STK32B: variants seen among roughly 807,000 people sequenced by gnomAD.
The protein encoded by STK32B is serine/threonine kinase 32B.
A neutral mutation model predicts 52.6 loss-of-function variants in STK32B; 43 were observed. The ratio of observed to expected loss-of-function variants is 0.82; its 90% CI spans 0.64 to 1.05. The LOEUF is 1.05. STK32B is among the 50% of genes least tolerant of loss of function. The pLI is 0.00. For missense variants in STK32B, 621 were observed against 534.6 expected (o/e 1.16, Z -1.59); for synonymous variants, 238 against 204.3 (o/e 1.17, Z -1.41).
At chr4:5,189,922 C>T (rs1006502370) in intron 3 of STK32B, among the ~76,000 whole-genome samples, 7 of 152,134 alleles carry the variant, frequency 4.6e-5, no homozygotes, top group Non-Finnish European at 8.8e-5. Flanking sequence ...ACTCTATTCC[C>T]AGCATTCAGA....
chr4:5,336,783 A>G (rs1732730415), intron 4 of STK32B, among the ~76,000 whole-genome samples: 1 of 152,226 alleles, frequency 6.6e-6, no homozygotes, highest in Admixed American at 6.5e-5. Context: ...GAAATCATCA[A>G]TGAAACAATG....
chr4:5,167,625 G>T (rs1718979833), intron 2 of STK32B, among the ~76,000 whole-genome samples: 1 of 152,226 alleles, frequency 6.6e-6, no homozygotes, highest in South Asian at 2.1e-4. Context: ...CCACTGTGGG[G>T]CTAGGCAAAC....
chr4:5,444,727 A>G (rs1377329494), intron 6 of STK32B, among the ~76,000 whole-genome samples: 1 of 152,230 alleles, frequency 6.6e-6, no homozygotes, highest in African/African-American at 2.4e-5. Context: ...AACTCTTAGT[A>G]TAGATTATCT....
At chr4:5,121,068 C>T (rs1339247547) in intron 1 of STK32B, among the ~76,000 whole-genome samples, 2 of 152,096 alleles carry the variant, frequency 1.3e-5, no homozygotes, top group Non-Finnish European at 2.9e-5. Context: ...TACCCAATAT[C>T]TAGTCTTTTA....
intron 4 of STK32B, among the ~76,000 whole-genome samples, chr4:5,393,438 CTGT>C (rs1186603323): frequency 2.6e-5 from 4 of 152,160 alleles, no homozygotes; most frequent in African/African-American, 9.7e-5. Flanking sequence ...ATACTGGAGA[CTGT>C]TGTTTATAAA....
chr4:5,483,483 T>C lies in STK32B; in HGVS notation c.1106+15413T>C, dbSNP rs181487933. On this transcript the variant is annotated intron_variant, in intron 11 of 11. Transcript: ENST00000282908. ...TCTATTTGATCCTTCTCTCTTTTCT[T>C]CTTTATTAGTCTTGCTAGCAGTCTA... Among the ~76,000 whole-genome samples, 1,493 of 152,274 alleles carry C rather than the reference T, an allele frequency of 9.8e-3. 23 individuals carry two copies. Among genetic ancestry groups the C allele is most frequent in the African/African-American group, 0.034 (1,422 of 41,518 alleles).
At chr4:5,098,413 C>G (rs953369478) in intron 1 of STK32B, among the ~76,000 whole-genome samples, 2 of 152,192 alleles carry the variant, frequency 1.3e-5, no homozygotes, top group African/African-American at 2.4e-5. Context: ...TCCTTGGTTA[C>G]AAAACCCACT....
chr4:5,274,832 C>T (rs1366059719), intron 3 of STK32B, among the ~76,000 whole-genome samples: 6 of 152,156 alleles, frequency 3.9e-5, no homozygotes, highest in Non-Finnish European at 5.9e-5. Context: ...GCAGACCCGC[C>T]GCTGACTTTC....
At chr4:5,083,740 A>G (rs1436405955) in intron 1 of STK32B, among the ~76,000 whole-genome samples, 1 of 144,242 alleles carries the variant, frequency 6.9e-6, no homozygotes, top group South Asian at 2.2e-4. Flanking sequence ...TCTGTTACCT[A>G]TTTTTTTTTT....
chr4:5,229,174 A>T lies in STK32B; in HGVS notation c.260+60724A>T, dbSNP rs973864903. Among the ~76,000 whole-genome samples, 11 of 152,252 alleles carry T rather than the reference A, an allele frequency of 7.2e-5. 1 individual carries two copies. Among genetic ancestry groups the T allele is most frequent in the African/African-American group, 2.6e-4 (11 of 41,558 alleles). On this transcript the variant is annotated intron_variant, in intron 3 of 11. Transcript: ENST00000282908. ...CAGATACTTTCAATTTGTAAAAAAA[A>T]AATGCAATATCTGCAAAGAACAATA...
At position 5,473,991 on chromosome 4, in the gene STK32B, G is replaced by A. The variant is rs998049119; in HGVS notation, c.1106+5921G>A. On this transcript the variant is annotated intron_variant, in intron 11 of 11. Transcript: ENST00000282908. ...TAGTCTGGTGTGGTGGTACATACCTGTAATCCCAGCTACTTGGGAGGCTAA... is the reference window on the plus strand; with the variant it reads ...TAGTCTGGTGTGGTGGTACATACCTATAATCCCAGCTACTTGGGAGGCTAA... Among the ~76,000 whole-genome samples, 4 of 152,070 alleles carry A rather than the reference G, an allele frequency of 2.6e-5. No homozygotes were observed. The South Asian group carries it at 8.3e-4, about 32-fold the overall frequency.
chr4:5,055,869 T>C (rs796743288), intron 1 of STK32B, among the ~76,000 whole-genome samples: 9 of 152,020 alleles, frequency 5.9e-5, no homozygotes, highest in African/African-American at 2.2e-4. Flanking sequence ...CTTGCTTTAT[T>C]TTTTTTTGTG....
chr4:5,428,144 A>G (rs1174765554), intron 6 of STK32B, among the ~76,000 whole-genome samples: 1 of 152,062 alleles, frequency 6.6e-6, no homozygotes, highest in African/African-American at 2.4e-5. Flanking sequence ...GTGATGGCTT[A>G]TACCTGTAAT....
At chr4:5,324,072 G>A (rs1186848340) in intron 3 of STK32B, among the ~76,000 whole-genome samples, 2 of 152,240 alleles carry the variant, frequency 1.3e-5, no homozygotes, top group Non-Finnish European at 2.9e-5. Flanking sequence ...AAAGCACTTA[G>A]GCCGGGCACG....
chr4:5,354,562 G>A (rs932563805), intron 4 of STK32B, among the ~76,000 whole-genome samples: 1 of 152,162 alleles, frequency 6.6e-6, no homozygotes, highest in Non-Finnish European at 1.5e-5. Flanking sequence ...ACCACGCCTG[G>A]CCCCAATGGA....
At chr4:5,277,232 A>G (rs1192346125) in intron 3 of STK32B, among the ~76,000 whole-genome samples, 3 of 152,266 alleles carry the variant, frequency 2.0e-5, no homozygotes, top group Non-Finnish European at 4.4e-5. Context: ...TGCACTTTCT[A>G]GCATTGGCTT....
chr4:5,052,108 C>T (rs928852053), intron 1 of STK32B, among the ~76,000 whole-genome samples, 193 bp downstream of exon 1: 1 of 152,232 alleles, frequency 6.6e-6, no homozygotes, highest in Non-Finnish European at 1.5e-5. Flanking sequence ...CCTAGGTACC[C>T]AGTGCCGTTT....
At chr4:5,322,097 G>GC (rs1252202798) in intron 3 of STK32B, among the ~76,000 whole-genome samples, 2 of 151,928 alleles carry the variant, frequency 1.3e-5, no homozygotes, top group Non-Finnish European at 2.9e-5. Flanking sequence ...ACTTTGGGAG[G>GC]CCAAGGCAAG....
intron 7 of STK32B, among the ~76,000 whole-genome samples, chr4:5,447,722 T>C (rs1401401960): frequency 1.3e-5 from 2 of 152,250 alleles, no homozygotes; most frequent in African/African-American, 2.4e-5. Context: ...CACTTCACCA[T>C]GTCTCAGGAC....
Sources: allele counts gnomAD v4.1 joint callset (sites outside exome capture counted in the v4.1 genomes callset), GRCh38; gene constraint gnomAD v4.1.1; transcripts MANE v1.5; gene names NCBI Gene and HGNC (gene_info 2026-07-23, HGNC 2026-07-21).